ATP2B4: variants seen among roughly 807,000 people sequenced by gnomAD.
The protein encoded by ATP2B4 is ATPase plasma membrane Ca2+ transporting 4.
In ATP2B4, 39 loss-of-function variants were observed where a neutral mutation model predicts 110.3. That is an observed-to-expected ratio of 0.35 (90% CI 0.27 to 0.46). The LOEUF (loss-of-function observed/expected upper bound fraction) is 0.46, where lower values mean the gene tolerates loss of function less well. Ranked by LOEUF, ATP2B4 falls within the 20% of genes least tolerant of loss-of-function variation. ATP2B4 has a pLI of 1.00. For missense variants in ATP2B4, 1,135 were observed against 1,530.9 expected (o/e 0.74, Z 4.32); for synonymous variants, 538 against 571.7 (o/e 0.94, Z 0.84).
chr1:203,699,654 G>C lies in ATP2B4; in HGVS notation c.586G>C (p.Gly196Arg), dbSNP rs779807808. 6.2e-7 allele frequency: 1 copy of C among 1,614,170 alleles called. No individual in the cohort carries two copies. Among genetic ancestry groups the C allele is most frequent in the Non-Finnish European group, 8.5e-7 (1 of 1,180,040 alleles). Residue 196 changes from glycine to arginine, a missense_variant, in exon 4 of 21, where the codon GGT becomes CGT. Gly to Arg is a moderately radical substitution (Grantham distance 125). Around this residue, in one of 9 missense-constraint regions of ATP2B4, gnomAD observed 101 missense variants for 182.6 expected, o/e 0.55. Transcript: ENST00000357681. ...GCAAAAGTTCTCCATCATCCGAAAC[G>C]GTCAACTCATCCAGCTCCCTGTGGC... ...QEQKFSIIRN[G>R]QLIQLPVAEI...
rs539864734 is a variant in ATP2B4, at chr1:203,741,023, C to G, written c.*1169C>G. 1 of 152,208 alleles carries G rather than the reference C, an allele frequency of 6.6e-6. No homozygotes were observed. The allele number at this position is 152,208 out of a possible 1,614,324, so 9.4% of individuals were successfully genotyped here. A position where few individuals can be genotyped will look rare whatever the true frequency, so the allele number is the denominator to read the frequency against. On this transcript the variant is annotated 3_prime_UTR_variant, in exon 21 of 21. Coordinates refer to ENST00000357681, the MANE Select transcript of ATP2B4 (RefSeq NM_001684.5). ...GCCATTCTAGCATGATCTGAGAAAA[C>G]CTTCCTGCAGAGGCCAGAAACCTTG... is the stretch of plus-strand genomic sequence containing the variant.
At chr1:203,704,813 A>C (rs970069738) in intron 8 of ATP2B4, among the ~76,000 whole-genome samples, 5 of 152,104 alleles carry the variant, frequency 3.3e-5, no homozygotes, top group African/African-American at 1.2e-4. Flanking sequence ...TTATTCTCTG[A>C]TTCCACCTTT....
In ATP2B4 at chr1:203,735,074, A is replaced by G. The variant is rs1666846929; in HGVS notation, c.3310-4472A>G. Among the ~76,000 whole-genome samples the G allele has an allele frequency of 4.6e-5, 7 of 152,158 alleles. No individual in the cohort carries two copies. In the South Asian group the frequency reaches 1.5e-3, roughly 32 times the overall value. On this transcript the variant is annotated intron_variant, in intron 20 of 20. Coordinates refer to ENST00000357681, the MANE Select transcript of ATP2B4 (RefSeq NM_001684.5). Reference sequence around the variant, plus strand: ...CACATGAAGGTACGAGAAATATACAAAAGAGTCAAAATAACATTTTTTCTT... The same window carrying G: ...CACATGAAGGTACGAGAAATATACAGAAGAGTCAAAATAACATTTTTTCTT...
chr1:203,686,256 C>T (rs1665176335), intron 2 of ATP2B4, among the ~76,000 whole-genome samples: 1 of 152,128 alleles, frequency 6.6e-6, no homozygotes, highest in South Asian at 2.1e-4. Context: ...CTTTCTTTTT[C>T]CCTTCCTATG....
rs370107788 is a variant in ATP2B4 at position 203,641,663 on chromosome 1, A to G, written c.-465+14444A>G. On this transcript the variant is annotated intron_variant, in intron 1 of 20. Transcript: ENST00000357681. ...CCTTACTACACTCTTACAACATGCT[A>G]TGGTTCCCATTTTACAGATAAGAAA... Among the ~76,000 whole-genome samples the G allele has an allele frequency of 1.2e-4, 19 of 152,268 alleles. 1 individual carries two copies. The highest frequency in any genetic ancestry group is 5.9e-4 in the Admixed American group (9 of 15,304).
chr1:203,680,621 A>AAAG (rs10672485), intron 1 of ATP2B4, among the ~76,000 whole-genome samples: 1 of 145,158 alleles, frequency 6.9e-6, no homozygotes, highest in Non-Finnish European at 1.5e-5. Context: ...AAAAAAAAGA[A>AAAG]AAAAAAGATC....
At chr1:203,666,145 G>A (rs1008581993) in intron 1 of ATP2B4, among the ~76,000 whole-genome samples, 5 of 152,296 alleles carry the variant, frequency 3.3e-5, no homozygotes, top group East Asian at 1.9e-4. Flanking sequence ...AGAGCAGAGC[G>A]GTGAGCAACT....
chr1:203,653,068 G>A (rs1009309197), intron 1 of ATP2B4, among the ~76,000 whole-genome samples: 1 of 152,194 alleles, frequency 6.6e-6, no homozygotes, highest in African/African-American at 2.4e-5. Context: ...AAAGGAAAAT[G>A]TTCTTGAAGG....
Position 203,703,648 on chromosome 1 carries a change from C to G in ATP2B4, c.938-4C>G. 6.2e-7 allele frequency: 1 copy of G among 1,613,690 alleles called. No homozygotes were observed. The highest frequency in any genetic ancestry group is 1.3e-5 in the African/African-American group (1 of 74,994). On this transcript the variant is annotated splice_polypyrimidine_tract_variant and splice_region_variant and intron_variant, in intron 7 of 20. Coordinates refer to ENST00000357681, the MANE Select transcript of ATP2B4 (RefSeq NM_001684.5). Reference sequence around the variant, plus strand: ...CACCTGTCCTATTTGTGTGTACACTCCAGCAAAGACCCAAGACGGAGTGGC... The same window carrying G: ...CACCTGTCCTATTTGTGTGTACACTGCAGCAAAGACCCAAGACGGAGTGGC...
intron 20 of ATP2B4, among the ~76,000 whole-genome samples, chr1:203,738,762 T>C (rs1044733063): frequency 6.6e-6 from 1 of 152,192 alleles, no homozygotes. Context: ...CTTTTCTCAA[T>C]AGGCAGGAGG....
chr1:203,723,461 C>CTCTCTCTCTCTCT (rs1666407930), intron 18 of ATP2B4, among the ~76,000 whole-genome samples: 2 of 67,610 alleles, frequency 3.0e-5, no homozygotes, highest in Non-Finnish European at 6.3e-5. Flanking sequence ...TCTCTCTCTC[C>CTCTCTCTCTCTCT]CTCTGCCTCT....
intron 20 of ATP2B4, among the ~76,000 whole-genome samples, chr1:203,728,781 C>T (rs12090350): frequency 0.14 from 20,763 of 151,890 alleles, 1,696 homozygotes; most frequent in South Asian, 0.25. Context: ...TACTTGAACC[C>T]GGGAGGCAGA....
intron 1 of ATP2B4, among the ~76,000 whole-genome samples, chr1:203,636,208 C>T (rs538939656): frequency 6.6e-6 from 1 of 152,336 alleles, no homozygotes; most frequent in South Asian, 2.1e-4. Context: ...TGAAAGAAAC[C>T]AGCAAGCAGT....
intron 1 of ATP2B4, among the ~76,000 whole-genome samples, chr1:203,675,820 A>G (rs968033714): frequency 5.3e-5 from 8 of 152,146 alleles, no homozygotes; most frequent in African/African-American, 1.9e-4. Context: ...TGTTTTCTCA[A>G]AAACTAAAAG....
chr1:203,724,957 A>C (rs1170125524), intron 19 of ATP2B4, among the ~76,000 whole-genome samples: 1 of 147,310 alleles, frequency 6.8e-6, no homozygotes, highest in East Asian at 2.0e-4. Context: ...GCTCACTGCA[A>C]ACTCTGCCTC....
intron 1 of ATP2B4, among the ~76,000 whole-genome samples, chr1:203,644,836 C>T (rs1663744229): frequency 1.3e-5 from 2 of 152,144 alleles, no homozygotes; most frequent in Admixed American, 1.3e-4. Flanking sequence ...AAGGAAGCTC[C>T]ACCTTTCACT....
intron 1 of ATP2B4, chr1:203,656,870 G>T: frequency 2.2e-6 from 1 of 445,380 alleles, no homozygotes; most frequent in Admixed American, 3.9e-5. Context: ...TAAATCTCTT[G>T]ATTGCAGACA....
At chr1:203,689,017 T>C (rs1665288677) in intron 2 of ATP2B4, among the ~76,000 whole-genome samples, 1 of 152,134 alleles carries the variant, frequency 6.6e-6, no homozygotes, top group South Asian at 2.1e-4. Context: ...TTCCAGTTTT[T>C]TCCCCCTCCT....
At chr1:203,707,828 C>T in intron 9 of ATP2B4, 34 bp from the exon 10 acceptor site, 1 of 1,608,786 alleles carries the variant, frequency 6.2e-7, no homozygotes, top group Non-Finnish European at 8.5e-7. Context: ...TCCAGTTAGT[C>T]CCCCTCTCAA....
Sources: allele counts gnomAD v4.1 joint callset (sites outside exome capture counted in the v4.1 genomes callset), GRCh38; gene constraint gnomAD v4.1.1; regional missense constraint gnomAD v4.1.1; transcripts MANE v1.5; gene names NCBI Gene and HGNC (gene_info 2026-07-23, HGNC 2026-07-21).